PLD5: variants seen among roughly 807,000 people sequenced by gnomAD.
PLD5 encodes phospholipase D family member 5, also known as inactive phospholipase D5.
PLD5 carries 36 observed loss-of-function variants against 61.1 expected under a neutral mutation model. The observed-to-expected ratio is 0.59, with a 90% CI of 0.45 to 0.78. The LOEUF is 0.78. Among genes scored for constraint, PLD5 ranks in the 30% least tolerant of loss-of-function variants. The pLI, the probability that PLD5 is intolerant of heterozygous loss-of-function variation, is 0.00. For missense variants in PLD5, 515 were observed against 644.4 expected (o/e 0.80, Z 2.17); for synonymous variants, 243 against 242.8 (o/e 1.00, Z -0.01).
At chr1:242,473,334 T>C (rs989793170) in intron 1 of PLD5, among the ~76,000 whole-genome samples, 14 of 152,320 alleles carry the variant, frequency 9.2e-5, no homozygotes, top group African/African-American at 3.4e-4. Flanking sequence ...AAGTATGTCC[T>C]TGAGTAAATC....
chr1:242,395,061 G>GTATATATATGAATATATA (rs1558528336), intron 1 of PLD5, among the ~76,000 whole-genome samples: 2 of 84,956 alleles, frequency 2.4e-5, no homozygotes, highest in African/African-American at 7.8e-5. Context: ...GAATATATAT[G>GTATATATATGAATATATA]TATATATATG....
rs570806042 is a variant in PLD5, at chr1:242,220,701, T to A, written c.608-586A>T. Among the ~76,000 whole-genome samples, 449 of 122,834 alleles carry A rather than the reference T, an allele frequency of 3.7e-3. 14 individuals are homozygous for A. In the Admixed American group the frequency reaches 0.037, roughly 10 times the overall value. The allele number at this position is 122,834 out of a possible 152,430, so 80.6% of individuals were successfully genotyped here. A position where few individuals can be genotyped will look rare whatever the true frequency, so the allele number is the denominator to read the frequency against. On this transcript the variant is annotated intron_variant, in intron 4 of 9. Transcript: ENST00000536534. ...CATCTTTATCTGATAGTATTTTTTT[T>A]AATTTATATTTTATTTTATTTTATT...
chr1:242,273,400 C>G (rs528407122), intron 3 of PLD5, among the ~76,000 whole-genome samples: 13 of 152,008 alleles, frequency 8.6e-5, no homozygotes, highest in African/African-American at 3.1e-4. Context: ...AATAAAAAGA[C>G]GCTATTTTAA....
chr1:242,477,907 G>A (rs1667648194), intron 1 of PLD5, among the ~76,000 whole-genome samples: 1 of 152,182 alleles, frequency 6.6e-6, no homozygotes, highest in African/African-American at 2.4e-5. Context: ...TAAAAGATGT[G>A]TTGAATTTTG....
intron 2 of PLD5, among the ~76,000 whole-genome samples, chr1:242,336,945 T>C (rs1659548764): frequency 6.6e-6 from 1 of 152,246 alleles, no homozygotes; most frequent in Non-Finnish European, 1.5e-5. Flanking sequence ...CATTTATTTT[T>C]TTATAAAACT....
chr1:242,154,458 A>G (rs1456495218), intron 5 of PLD5, among the ~76,000 whole-genome samples: 3 of 152,190 alleles, frequency 2.0e-5, no homozygotes, highest in Non-Finnish European at 4.4e-5. Context: ...TTGCCCATTC[A>G]GAATGATATT....
At chr1:242,316,293 A>C (rs1242018911) in intron 2 of PLD5, among the ~76,000 whole-genome samples, 1 of 152,204 alleles carries the variant, frequency 6.6e-6, no homozygotes, top group African/African-American at 2.4e-5. Context: ...TTTTGTACCC[A>C]ATAGAGCTTA....
At chr1:242,390,409 C>T (rs1368118134) in intron 1 of PLD5, among the ~76,000 whole-genome samples, 5 of 152,140 alleles carry the variant, frequency 3.3e-5, no homozygotes, top group Admixed American at 3.3e-4. Context: ...CTATGCTTGA[C>T]TTTCTTTTTT....
At chr1:242,231,858 T>C (rs747698462) in intron 4 of PLD5, among the ~76,000 whole-genome samples, 1 of 148,306 alleles carries the variant, frequency 6.7e-6, no homozygotes, top group Admixed American at 6.8e-5. Context: ...AAAAAACTAA[T>C]GCAAGAAGGA....
intron 1 of PLD5, among the ~76,000 whole-genome samples, chr1:242,423,133 G>C (rs1425650472): frequency 6.6e-6 from 1 of 152,094 alleles, no homozygotes; most frequent in Non-Finnish European, 1.5e-5. Flanking sequence ...TTACAGGTGA[G>C]AGCCACTGCA....
chr1:242,285,422 C>T (rs762200872), intron 3 of PLD5, among the ~76,000 whole-genome samples: 2 of 152,242 alleles, frequency 1.3e-5, no homozygotes, highest in South Asian at 2.1e-4. Context: ...CGCTTGAACC[C>T]GGGAAGTAGA....
rs995686711 is a variant in PLD5 at position 242,085,304 on chromosome 1, G to A, written c.*4550C>T. On this transcript the variant is annotated 3_prime_UTR_variant, in exon 10 of 10. Transcript: ENST00000536534. ...AAGTTTTAGAACCTTGTAAATACAAGACTGCTAATGGGTCAAAAATAAGAA... is the reference window on the plus strand; with the variant it reads ...AAGTTTTAGAACCTTGTAAATACAAAACTGCTAATGGGTCAAAAATAAGAA... 2.0e-5 allele frequency: 3 copies of A among 151,802 alleles called. No homozygotes were observed. The highest frequency in any genetic ancestry group is 4.4e-5 in the Non-Finnish European group (3 of 67,976). The allele number at this position is 151,802 out of a possible 1,614,324, so 9.4% of individuals were successfully genotyped here.
At chr1:242,188,875 AAACT>A (rs1336767560) in intron 5 of PLD5, 3 of 152,238 alleles carry the variant, frequency 2.0e-5, no homozygotes, top group Non-Finnish European at 2.9e-5. Context: ...GAAAAGTTGC[AAACT>A]AACTACACTT....
intron 1 of PLD5, among the ~76,000 whole-genome samples, chr1:242,377,606 T>G (rs890262793): frequency 6.6e-6 from 1 of 152,024 alleles, no homozygotes; most frequent in African/African-American, 2.4e-5. Flanking sequence ...CATAGGAAGG[T>G]TGATATCCCA....
chr1:242,144,267 ATAT>A (rs1664394311), intron 5 of PLD5, among the ~76,000 whole-genome samples: 1 of 147,228 alleles, frequency 6.8e-6, no homozygotes, highest in Non-Finnish European at 1.5e-5. Context: ...TTTTTTTAAA[ATAT>A]TATTAAACAA....
chr1:242,361,107 C>T (rs1351771320), intron 1 of PLD5, among the ~76,000 whole-genome samples: 1 of 152,030 alleles, frequency 6.6e-6, no homozygotes, highest in African/African-American at 2.4e-5. Flanking sequence ...AGAACTCTAG[C>T]TATTTTGTAT....
intron 5 of PLD5, among the ~76,000 whole-genome samples, chr1:242,169,265 G>T (rs997058501): frequency 4.6e-5 from 7 of 152,258 alleles, no homozygotes; most frequent in African/African-American, 1.7e-4. Context: ...GGAATGGTTG[G>T]ACAGTGAGTG....
In PLD5 at chr1:242,083,293, A is replaced by T. The variant is rs1426325182; in HGVS notation, c.*6561T>A. ...GATTGGTGGGGCCAGGTACCATCAA[A>T]CAAGAATACCACTGCTAGGTACACT... is the stretch of plus-strand genomic sequence containing the variant. On this transcript the variant is annotated 3_prime_UTR_variant, in exon 10 of 10. Coordinates refer to ENST00000536534, the MANE Select transcript of PLD5 (RefSeq NM_001372062.1). 6.6e-6 allele frequency: 1 copy of T among 152,206 alleles called. No individual in the cohort carries two copies. The highest frequency in any genetic ancestry group is 1.5e-5 in the Non-Finnish European group (1 of 68,054). 9.4% of individuals were successfully genotyped at this position (152,206 alleles called of 1,614,324 possible). A position where few individuals can be genotyped will look rare whatever the true frequency, so the allele number is the denominator to read the frequency against.
chr1:242,395,072 A>T (rs1424108320), intron 1 of PLD5, among the ~76,000 whole-genome samples: 6 of 115,582 alleles, frequency 5.2e-5, no homozygotes, highest in African/African-American at 1.8e-4. Context: ...TATATATATG[A>T]ATATATATGT....
Sources: gnomAD v4.1 joint callset for allele counts (sites outside exome capture counted in the v4.1 genomes callset) on GRCh38, gnomAD v4.1.1 for gene constraint, MANE v1.5 for transcripts, NCBI Gene and HGNC (gene_info 2026-07-23, HGNC 2026-07-21) for gene names.